ADCK1: variants seen among roughly 807,000 people sequenced by gnomAD.
The protein encoded by ADCK1 is aarF domain-containing protein kinase 1.
ADCK1 carries 41 observed loss-of-function variants against 52.3 expected under a neutral mutation model. The observed-to-expected ratio is 0.78, with a 90% CI of 0.61 to 1.02. The LOEUF (loss-of-function observed/expected upper bound fraction) is 1.02, where lower values mean the gene tolerates loss of function less well. Among genes scored for constraint, ADCK1 ranks in the 50% least tolerant of loss-of-function variants. The probability of loss-of-function intolerance (pLI) is 0.00; values close to 1 mark genes in which losing one functional copy is unlikely to be tolerated. For missense variants in ADCK1, 658 were observed against 679.5 expected, an observed-to-expected ratio of 0.97 and a Z score of 0.35; for synonymous variants, 250 against 274.6, an observed-to-expected ratio of 0.91 and a Z score of 0.89.
intron 3 of ADCK1, among the ~76,000 whole-genome samples, chr14:77,841,394 A>G (rs926506604): frequency 6.6e-6 from 1 of 152,186 alleles, no homozygotes; most frequent in African/African-American, 2.4e-5. Context: ...CCTACGTGGC[A>G]GTGAAGAGTT....
intron 4 of ADCK1, among the ~76,000 whole-genome samples, chr14:77,880,267 C>T (rs370336921): frequency 8.5e-5 from 13 of 152,328 alleles, no homozygotes; most frequent in South Asian, 2.1e-4. Flanking sequence ...TGCCAGGAGG[C>T]GGTTCAGCAA....
chr14:77,905,353 G>A (rs1394093332), intron 6 of ADCK1, among the ~76,000 whole-genome samples: 5 of 121,604 alleles, frequency 4.1e-5, no homozygotes, highest in South Asian at 2.7e-4. Context: ...CTCTGTCACC[G>A]TGGCTGGAGT....
chr14:77,888,360 C>G (rs80127176), intron 5 of ADCK1, among the ~76,000 whole-genome samples: 264 of 152,122 alleles, frequency 1.7e-3, no homozygotes, highest in Non-Finnish European at 3.0e-3. Flanking sequence ...CAAGCTAAGG[C>G]GTAGAATGGT....
chr14:77,828,698 T>C (rs1566644017), intron 3 of ADCK1, among the ~76,000 whole-genome samples: 1 of 152,134 alleles, frequency 6.6e-6, no homozygotes, highest in Non-Finnish European at 1.5e-5. Context: ...CGGCTAATTT[T>C]GTATTTTTAG....
intron 5 of ADCK1, 63 bp from the exon 6 acceptor site, chr14:77,899,037 G>A: frequency 4.4e-6 from 7 of 1,597,170 alleles, no homozygotes; most frequent in Non-Finnish European, 6.0e-6. Flanking sequence ...CAGGCAGGAA[G>A]GTAGGGAATG....
At chr14:77,855,372 A>G (rs1329161645) in intron 3 of ADCK1, among the ~76,000 whole-genome samples, 2 of 152,214 alleles carry the variant, frequency 1.3e-5, no homozygotes, top group East Asian at 3.8e-4. Context: ...TATAGATGTG[A>G]AGACTGAAGT....
intron 4 of ADCK1, among the ~76,000 whole-genome samples, chr14:77,873,641 G>A (rs1033003548): frequency 6.6e-6 from 1 of 152,146 alleles, no homozygotes; most frequent in Non-Finnish European, 1.5e-5. Flanking sequence ...TTGAATTGTA[G>A]CTCCCTCATC....
chr14:77,891,731 A>G (rs1188364381), intron 5 of ADCK1, among the ~76,000 whole-genome samples: 1 of 152,128 alleles, frequency 6.6e-6, no homozygotes, highest in Non-Finnish European at 1.5e-5. Flanking sequence ...TGGAGGCCTG[A>G]GGCCACCACC....
chr14:77,835,845 AG>A (rs2140074521), intron 3 of ADCK1, among the ~76,000 whole-genome samples: 1 of 152,106 alleles, frequency 6.6e-6, no homozygotes, highest in South Asian at 2.1e-4. Context: ...CATGTTACCC[AG>A]GCTGGTTTAG....
At chr14:77,886,011 A>C (rs1267101024) in intron 4 of ADCK1, among the ~76,000 whole-genome samples, 15 of 152,174 alleles carry the variant, frequency 9.9e-5, no homozygotes, top group Admixed American at 9.8e-4. Flanking sequence ...AAGAAGGAAG[A>C]GTGAGGAGTA....
chr14:77,807,006 C>T (rs867012204), intron 1 of ADCK1, among the ~76,000 whole-genome samples: 18 of 149,374 alleles, frequency 1.2e-4, no homozygotes, highest in Middle Eastern at 3.5e-3. Context: ...TGAGCCACTG[C>T]GCCCGGCCTA....
chr14:77,827,813 A>AT (rs779932200), intron 3 of ADCK1: 1 of 406,512 alleles, frequency 2.5e-6, no homozygotes, highest in Non-Finnish European at 4.7e-6. Flanking sequence ...CTCTGCTTTT[A>AT]TTTTTTTAGT....
chr14:77,926,244 A>G (rs1264095004), intron 9 of ADCK1, among the ~76,000 whole-genome samples: 3 of 152,178 alleles, frequency 2.0e-5, no homozygotes, highest in African/African-American at 4.8e-5. Context: ...AGACTTCTGT[A>G]GCTTTAGCTC....
chr14:77,915,083 A>G (rs1453983578), intron 7 of ADCK1, among the ~76,000 whole-genome samples: 1 of 152,178 alleles, frequency 6.6e-6, no homozygotes, highest in Non-Finnish European at 1.5e-5. Context: ...GCCCAGACCA[A>G]CATAGAGCAG....
intron 3 of ADCK1, among the ~76,000 whole-genome samples, chr14:77,829,291 T>TA (rs952955839): frequency 7.8e-5 from 7 of 90,246 alleles, no homozygotes; most frequent in Admixed American, 1.4e-4. Flanking sequence ...ACTAAAAAAC[T>TA]AAGATTTTTT....
At chr14:77,894,657 T>C in intron 5 of ADCK1, among the ~76,000 whole-genome samples, 1 of 151,648 alleles carries the variant, frequency 6.6e-6, no homozygotes, top group East Asian at 1.9e-4. Context: ...TAGTAGGAAC[T>C]AAATAATGAT....
chr14:77,815,251 T>G (rs1453024636), intron 1 of ADCK1, among the ~76,000 whole-genome samples: 1 of 150,244 alleles, frequency 6.7e-6, no homozygotes, highest in Non-Finnish European at 1.5e-5. Flanking sequence ...TTGCCCAGGC[T>G]AGAATGCAGT....
intron 3 of ADCK1, among the ~76,000 whole-genome samples, chr14:77,833,513 C>A (rs1343248467): frequency 6.6e-6 from 1 of 152,162 alleles, no homozygotes; most frequent in Non-Finnish European, 1.5e-5. Context: ...GTTGGGTCAT[C>A]TAAGGACCAG....
Position 77,819,200 on chromosome 14 carries a change from T to C in ADCK1, c.135+87T>C, listed in dbSNP as rs1010287568. 2.6e-6 allele frequency: 4 copies of C among 1,542,658 alleles called. No homozygotes were observed. In the Admixed American group the frequency reaches 6.9e-5, roughly 27 times the overall value. Reference sequence around the variant, plus strand: ...ATGTAGCAGATAGACATGCCTGCTATGCATATGTGGAGATACTTGTGTATC... The same window carrying C: ...ATGTAGCAGATAGACATGCCTGCTACGCATATGTGGAGATACTTGTGTATC... On this transcript the variant is annotated intron_variant, in intron 2 of 10. Coordinates refer to ENST00000238561, the MANE Select transcript of ADCK1 (RefSeq NM_020421.4).
Sources: gnomAD v4.1 joint callset for allele counts (sites outside exome capture counted in the v4.1 genomes callset) on GRCh38, gnomAD v4.1.1 for gene constraint, MANE v1.5 for transcripts, NCBI Gene and HGNC (gene_info 2026-07-23, HGNC 2026-07-21) for gene names.